The following STX8 variants were observed in gnomAD, a reference collection of about 807,000 sequenced individuals.
The protein encoded by STX8 is syntaxin 8.
A neutral mutation model predicts 37.5 loss-of-function variants in STX8; 23 were observed. The ratio of observed to expected loss-of-function variants is 0.61; its 90% CI spans 0.44 to 0.87. STX8 has a LOEUF of 0.87. Among genes scored for constraint, STX8 ranks in the 40% least tolerant of loss-of-function variants. The probability of loss-of-function intolerance (pLI) is 0.00; values close to 1 mark genes in which losing one functional copy is unlikely to be tolerated. For missense variants in STX8, 313 were observed against 284.7 expected (o/e 1.10, Z -0.71); for synonymous variants, 115 against 99.1 (o/e 1.16, Z -0.95).
chr17:9,568,188 G>A (rs2151918793), intron 2 of STX8, among the ~76,000 whole-genome samples, 183 bp downstream of exon 2: 1 of 152,276 alleles, frequency 6.6e-6, no homozygotes, highest in South Asian at 2.1e-4. Flanking sequence ...AATGTGTTAT[G>A]CCTCATTTAG....
intron 6 of STX8, among the ~76,000 whole-genome samples, chr17:9,427,495 A>C (rs551245150): frequency 6.6e-6 from 1 of 152,182 alleles, no homozygotes; most frequent in African/African-American, 2.4e-5. Flanking sequence ...CTTGAAAAAT[A>C]ACGGGATGAA....
chr17:9,524,068 C>G (rs1208884797), intron 4 of STX8, among the ~76,000 whole-genome samples: 1 of 152,160 alleles, frequency 6.6e-6, no homozygotes, highest in East Asian at 1.9e-4. Flanking sequence ...GCATCTTTTC[C>G]CTCTGGAATG....
intron 6 of STX8, among the ~76,000 whole-genome samples, chr17:9,476,125 G>T (rs1273743194): frequency 6.6e-6 from 1 of 152,204 alleles, no homozygotes; most frequent in East Asian, 1.9e-4. Flanking sequence ...GTTGCAGTGA[G>T]GCGAGATCGT....
chr17:9,314,831 C>T (rs140149198), intron 7 of STX8, among the ~76,000 whole-genome samples: 6,759 of 150,672 alleles, frequency 0.045, 485 homozygotes, highest in African/African-American at 0.15. Context: ...TGGCTGGGCA[C>T]GGTGGCTTAC....
At chr17:9,289,532 T>C (rs1908233007) in intron 7 of STX8, among the ~76,000 whole-genome samples, 1 of 151,342 alleles carries the variant, frequency 6.6e-6, no homozygotes, top group South Asian at 2.1e-4. Context: ...TTTTTTAGTT[T>C]GGTAGTAATT....
intron 7 of STX8, among the ~76,000 whole-genome samples, chr17:9,362,159 C>T (rs574410105): frequency 2.0e-5 from 3 of 152,236 alleles, no homozygotes; most frequent in Non-Finnish European, 2.9e-5. Context: ...GGTGAAACCC[C>T]GTCTCTACTA....
intron 2 of STX8, among the ~76,000 whole-genome samples, chr17:9,567,430 T>C (rs908623850): frequency 1.3e-5 from 2 of 152,202 alleles, no homozygotes; most frequent in African/African-American, 4.8e-5. Context: ...TTTGAAACCA[T>C]TTTCTGTAAA....
In STX8 at chr17:9,317,704, T is replaced by C. The variant is rs1909431670; in HGVS notation, c.643+60848A>G. Reference sequence around the variant, plus strand: ...TGTCGTGAACCCGGGAGGTGGAGCTTGCAGTGAGCCGAGATTGCACCACTG... The same window carrying C: ...TGTCGTGAACCCGGGAGGTGGAGCTCGCAGTGAGCCGAGATTGCACCACTG... On this transcript the variant is annotated intron_variant, in intron 7 of 7. Coordinates refer to ENST00000306357, the MANE Select transcript of STX8 (RefSeq NM_004853.3). 3.3e-5 allele frequency among the ~76,000 whole-genome samples: 5 copies of C among 150,714 alleles called. 1 individual carries two copies. In the South Asian group the frequency reaches 1.1e-3, roughly 32 times the overall value.
chr17:9,433,327 G>T (rs1914041408), intron 6 of STX8, among the ~76,000 whole-genome samples: 1 of 152,202 alleles, frequency 6.6e-6, no homozygotes, highest in South Asian at 2.1e-4. Flanking sequence ...AACGGAAATA[G>T]TAATTTCCAC....
At chr17:9,392,650 T>G (rs1215442407) in intron 6 of STX8, among the ~76,000 whole-genome samples, 2 of 152,072 alleles carry the variant, frequency 1.3e-5, no homozygotes, top group Admixed American at 1.3e-4. Flanking sequence ...CAAGAAGTAA[T>G]GGTGAACACT....
intron 1 of STX8, 132 bp from the exon 2 acceptor site, chr17:9,568,602 A>AAG: frequency 3.2e-6 from 2 of 618,324 alleles, no homozygotes; most frequent in Non-Finnish European, 5.3e-6. Flanking sequence ...CTGGGTTCGC[A>AAG]CCATTCTCCT....
rs184140856 is a variant in STX8 at position 9,430,934 on chromosome 17, C to A, written c.542-52281G>T. 7.9e-4 allele frequency among the ~76,000 whole-genome samples: 121 copies of A among 152,210 alleles called. 3 individuals are homozygous for A. Among genetic ancestry groups the A allele is most frequent in the Non-Finnish European group, 8.8e-5 (6 of 67,998 alleles). On this transcript the variant is annotated intron_variant, in intron 6 of 7. Transcript: ENST00000306357. ...AAAGTGCTGGGATTACAGGCGTGAG[C>A]CACTGCCCCCGGCCTTTGGCTTGTT...
At chr17:9,546,201 G>A (rs536463164) in intron 3 of STX8, among the ~76,000 whole-genome samples, 1 of 152,304 alleles carries the variant, frequency 6.6e-6, no homozygotes, top group Non-Finnish European at 1.5e-5. Flanking sequence ...AAATTACAAA[G>A]AGAATCATTT....
At chr17:9,308,005 G>C (rs1909060965) in intron 7 of STX8, among the ~76,000 whole-genome samples, 1 of 152,208 alleles carries the variant, frequency 6.6e-6, no homozygotes, top group Non-Finnish European at 1.5e-5. Context: ...ACGGAGGTTA[G>C]CGATAGAAAA....
chr17:9,475,427 A>C (rs1906058651), intron 6 of STX8, among the ~76,000 whole-genome samples: 1 of 152,200 alleles, frequency 6.6e-6, no homozygotes, highest in Non-Finnish European at 1.5e-5. Flanking sequence ...AATGGCCTAC[A>C]AAGAAGTGGT....
chr17:9,383,622 G>C (rs1483950506), intron 6 of STX8, among the ~76,000 whole-genome samples: 1 of 152,144 alleles, frequency 6.6e-6, no homozygotes, highest in Non-Finnish European at 1.5e-5. Flanking sequence ...AGAAGTCCCA[G>C]ATTGTTCAAT....
intron 6 of STX8, among the ~76,000 whole-genome samples, chr17:9,395,737 A>G (rs895430047): frequency 1.3e-5 from 2 of 152,206 alleles, no homozygotes; most frequent in Non-Finnish European, 2.9e-5. Flanking sequence ...ATACTTCATT[A>G]CATATTAAGT....
rs183430063 is a variant in STX8 at position 9,251,192 on chromosome 17, C to T, written c.644-547G>A. Among the ~76,000 whole-genome samples, 21 of 152,312 alleles carry T rather than the reference C, an allele frequency of 1.4e-4. No individual in the cohort carries two copies. In the East Asian group the frequency reaches 2.5e-3, roughly 18 times the overall value. On this transcript the variant is annotated intron_variant, in intron 7 of 7. Transcript: ENST00000306357. Reference sequence around the variant, plus strand: ...AGTATTTGCTAGTTTCATTTCCTGACGTTTTTGGCTGGAGAGCACAGGCCC... The same window carrying T: ...AGTATTTGCTAGTTTCATTTCCTGATGTTTTTGGCTGGAGAGCACAGGCCC...
intron 1 of STX8, among the ~76,000 whole-genome samples, chr17:9,574,151 G>C (rs1907798389): frequency 6.6e-6 from 1 of 151,650 alleles, no homozygotes; most frequent in African/African-American, 2.4e-5. Flanking sequence ...TGCGCCTGTA[G>C]TCCCAGCTAC....
Sources: gnomAD v4.1 joint callset for allele counts (sites outside exome capture counted in the v4.1 genomes callset) on GRCh38, gnomAD v4.1.1 for gene constraint, MANE v1.5 for transcripts, NCBI Gene and HGNC (gene_info 2026-07-23, HGNC 2026-07-21) for gene names.